The following ADGRL3 variants were observed in gnomAD, a reference collection of about 807,000 sequenced individuals.
ADGRL3 encodes the protein calcium-independent alpha-latrotoxin receptor 3.
A neutral mutation model predicts 153.5 loss-of-function variants in ADGRL3; 62 were observed. That is an observed-to-expected ratio of 0.40 (90% CI 0.33 to 0.50). ADGRL3 has a LOEUF of 0.50. Ranked by LOEUF, ADGRL3 falls within the 20% of genes least tolerant of loss-of-function variation. The pLI is 0.47. For synonymous variants in ADGRL3, 710 were observed against 672.5 expected (o/e 1.06, Z -0.86); for missense variants, 1,641 against 1,859.4 (o/e 0.88, Z 2.16).
At position 61,460,714 on chromosome 4, in the gene ADGRL3, G is replaced by A. The variant is rs554324264; in HGVS notation, c.-173-36407G>A. On this transcript the variant is annotated intron_variant, in intron 2 of 26. Coordinates refer to ENST00000683033, the MANE Select transcript of ADGRL3 (RefSeq NM_001387552.1). ...ATGGTGGAAGGCAAAGGAGGAGAAA[G>A]GCATATCTTTCATGGCAGCAGGCAA... Among the ~76,000 whole-genome samples the A allele has an allele frequency of 3.9e-5, 6 of 152,214 alleles. No homozygotes were observed. The South Asian group carries it at 1.2e-3, about 32-fold the overall frequency.
intron 5 of ADGRL3, among the ~76,000 whole-genome samples, chr4:61,624,044 C>T (rs2092689525): frequency 1.3e-5 from 2 of 152,048 alleles, no homozygotes; most frequent in African/African-American, 4.8e-5. Context: ...GAGATTCGGG[C>T]AAGTTTCAGA....
At chr4:62,060,000 A>G (rs1739194095) in intron 25 of ADGRL3, among the ~76,000 whole-genome samples, 1 of 152,122 alleles carries the variant, frequency 6.6e-6, no homozygotes, top group Non-Finnish European at 1.5e-5. Context: ...AATCTTTGAT[A>G]GTTTCATTAG....
chr4:61,395,748 A>AAT, intron 2 of ADGRL3, among the ~76,000 whole-genome samples: 1 of 152,004 alleles, frequency 6.6e-6, no homozygotes. Flanking sequence ...AGAAAATGAT[A>AAT]ATATATCAGA....
At chr4:61,863,909 T>C (rs893953053) in intron 9 of ADGRL3, among the ~76,000 whole-genome samples, 5 of 152,224 alleles carry the variant, frequency 3.3e-5, no homozygotes, top group Non-Finnish European at 7.3e-5. Flanking sequence ...GTGTTTGGAA[T>C]GAAATCCTGT....
chr4:61,460,520 A>G (rs2152572073), intron 2 of ADGRL3, among the ~76,000 whole-genome samples: 1 of 152,014 alleles, frequency 6.6e-6, no homozygotes, highest in East Asian at 1.9e-4. Context: ...TAGAATGATA[A>G]TTAACAGAGA....
intron 8 of ADGRL3, among the ~76,000 whole-genome samples, chr4:61,769,671 G>A (rs1392036970): frequency 3.3e-5 from 5 of 152,008 alleles, no homozygotes; most frequent in Admixed American, 2.0e-4. Context: ...GGGTGAGGCC[G>A]TTTTATAGGA....
intron 1 of ADGRL3, among the ~76,000 whole-genome samples, chr4:61,306,931 C>T (rs1361060929): frequency 2.6e-5 from 4 of 152,196 alleles, no homozygotes; most frequent in Non-Finnish European, 5.9e-5. Flanking sequence ...CTACCATTGG[C>T]AATCTCCTGC....
intron 1 of ADGRL3, among the ~76,000 whole-genome samples, chr4:61,288,281 C>G (rs1451815272): frequency 2.6e-5 from 4 of 151,988 alleles, no homozygotes; most frequent in African/African-American, 9.6e-5. Flanking sequence ...TAACAGAAAA[C>G]CAAGCTAACC....
intron 5 of ADGRL3, among the ~76,000 whole-genome samples, chr4:61,626,271 A>C (rs941870530): frequency 1.3e-5 from 2 of 151,838 alleles, no homozygotes; most frequent in African/African-American, 4.8e-5. Context: ...CTAAATATCC[A>C]TTTATTTGGA....
intron 3 of ADGRL3, among the ~76,000 whole-genome samples, chr4:61,515,555 C>A (rs1435763484): frequency 6.6e-6 from 1 of 152,034 alleles, no homozygotes; most frequent in Non-Finnish European, 1.5e-5. Context: ...TAGAAGAGGT[C>A]CCAACATGTA....
intron 8 of ADGRL3, among the ~76,000 whole-genome samples, chr4:61,743,334 A>G (rs1256985986): frequency 6.6e-6 from 1 of 151,092 alleles, no homozygotes; most frequent in Non-Finnish European, 1.5e-5. Context: ...CAAAAAAAAA[A>G]AAAAAAAAAA....
At chr4:61,888,975 G>A (rs1009399058) in intron 9 of ADGRL3, among the ~76,000 whole-genome samples, 16 of 151,934 alleles carry the variant, frequency 1.1e-4, no homozygotes, top group Admixed American at 3.3e-4. Flanking sequence ...TCTGTTAATT[G>A]TACACACTCT....
At chr4:61,280,132 C>A (rs1220411794) in intron 1 of ADGRL3, among the ~76,000 whole-genome samples, 2 of 125,954 alleles carry the variant, frequency 1.6e-5, no homozygotes, top group African/African-American at 6.2e-5. Context: ...TTTTTTGAGA[C>A]CGAGTCTCGC....
intron 5 of ADGRL3, among the ~76,000 whole-genome samples, chr4:61,647,222 A>G (rs751945113): frequency 2.0e-5 from 3 of 152,108 alleles, no homozygotes; most frequent in Non-Finnish European, 2.9e-5. Flanking sequence ...ATGGAAATGC[A>G]GAAATCACCC....
chr4:61,726,091 G>T (rs943772783), intron 6 of ADGRL3, among the ~76,000 whole-genome samples: 3 of 151,924 alleles, frequency 2.0e-5, no homozygotes, highest in Non-Finnish European at 4.4e-5. Flanking sequence ...TCAGATTTTG[G>T]ATATTTGGGA....
intron 5 of ADGRL3, among the ~76,000 whole-genome samples, chr4:61,599,584 G>C (rs113763531): frequency 0.05 from 7,677 of 152,188 alleles, 597 homozygotes; most frequent in African/African-American, 0.17. Flanking sequence ...CCACCTGCCT[G>C]GGCCTCCCAA....
intron 11 of ADGRL3, among the ~76,000 whole-genome samples, chr4:61,902,330 A>G (rs1235474296): frequency 1.3e-5 from 2 of 152,068 alleles, no homozygotes; most frequent in Non-Finnish European, 2.9e-5. Flanking sequence ...TGTCAGGTGT[A>G]ACTGTAAATT....
Position 62,042,521 on chromosome 4 carries a change from A to G in ADGRL3, c.3718-1932A>G, listed in dbSNP as rs1282453428. Among the ~76,000 whole-genome samples the G allele has an allele frequency of 3.9e-5, 6 of 151,982 alleles. No individual in the cohort carries two copies. The East Asian group carries it at 1.2e-3, about 29-fold the overall frequency. ...CAGCATTGCCAACCTCTGAAGCACA[A>G]ACATGCCTGGCATGTTAGAGAACAG... On this transcript the variant is annotated intron_variant, in intron 24 of 26. Coordinates refer to ENST00000683033, the MANE Select transcript of ADGRL3 (RefSeq NM_001387552.1).
At chr4:61,980,598 C>T (rs867740164) in intron 18 of ADGRL3, among the ~76,000 whole-genome samples, 1 of 151,840 alleles carries the variant, frequency 6.6e-6, no homozygotes, top group Non-Finnish European at 1.5e-5. Flanking sequence ...TGCCACCAAG[C>T]CCAGCTAATT....
Sources: gnomAD v4.1 joint callset for allele counts (sites outside exome capture counted in the v4.1 genomes callset) on GRCh38, gnomAD v4.1.1 for gene constraint, MANE v1.5 for transcripts, NCBI Gene and HGNC (gene_info 2026-07-23, HGNC 2026-07-21) for gene names.